The following TTYH1 variants were observed in gnomAD, a reference collection of about 807,000 sequenced individuals.
TTYH1 encodes protein tweety homolog 1.
Under a neutral mutation model 61.2 loss-of-function variants are expected in TTYH1, and 33 were observed. The ratio of observed to expected loss-of-function variants is 0.54; its 90% CI spans 0.41 to 0.72. TTYH1 has a LOEUF of 0.72. Ranked by LOEUF, TTYH1 falls within the 30% of genes least tolerant of loss-of-function variation. The probability of loss-of-function intolerance (pLI) is 0.00; values close to 1 mark genes in which losing one functional copy is unlikely to be tolerated. For synonymous variants in TTYH1, 308 were observed against 266.4 expected (o/e 1.16, Z -1.52); for missense variants, 538 against 575.8 (o/e 0.93, Z 0.67).
At chr19:54,431,565 A>C in intron 10 of TTYH1, 1 of 276,514 alleles carries the variant, frequency 3.6e-6, no homozygotes, top group Non-Finnish European at 6.9e-6. Context: ...GTTCTGGAGC[A>C]AGACTGCCTG....
Position 54,426,683 on chromosome 19 carries a change from T to G in TTYH1, c.649T>G (p.Tyr217Asp). 5.0e-6 allele frequency: 8 copies of G among 1,613,844 alleles called. No homozygotes were observed. Among genetic ancestry groups the G allele is most frequent in the African/African-American group, 1.3e-5 (1 of 75,024 alleles). The stretch of plus-strand genomic sequence containing the variant: ...CCTCTCCCCTCCCAGGTGGCTGGCC[T>G]ACGTCCTCCTGCTGCTCCTGGAGCT... ...SFVEEYRWLA[Y>D]VLLLLLELLV... is the part of the protein sequence containing the mutation. Residue 217 changes from tyrosine (Y) to aspartate (D), a missense_variant, in exon 5 of 14, where the codon TAC (tyrosine) becomes GAC (aspartate). Coordinates refer to ENST00000376530, the MANE Select transcript of TTYH1 (RefSeq NM_020659.4).
At chr19:54,432,280 C>A (rs930768806) in intron 10 of TTYH1, 2 of 152,238 alleles carry the variant, frequency 1.3e-5, no homozygotes, top group Admixed American at 1.3e-4. Flanking sequence ...GGATGCCTTT[C>A]CCCGGCCAGT....
At position 54,416,133 on chromosome 19, in the gene TTYH1, G is replaced by T. The variant is rs1004445300; in HGVS notation, c.126+455G>T. ...ACCTGATAACGGTGGCGGGGAAAAC[G>T]CTGGCTGCTGCGGTGCTGGGATGGG... is the stretch of plus-strand genomic sequence containing the variant. On this transcript the variant is annotated intron_variant, in intron 1 of 13. Coordinates refer to ENST00000376530, the MANE Select transcript of TTYH1 (RefSeq NM_020659.4). The surrounding 1 kb of genome is among the most constrained non-coding windows in gnomAD (Gnocchi z 7.0). 2.5e-6 allele frequency: 3 copies of T among 1,214,110 alleles called. No individual in the cohort carries two copies. Among genetic ancestry groups the T allele is most frequent in the African/African-American group, 3.1e-5 (2 of 64,266 alleles). 75.2% of individuals were successfully genotyped at this position (1,214,110 alleles called of 1,614,324 possible).
In TTYH1 at chr19:54,419,250, C is replaced by A. The variant is rs775602519; in HGVS notation, c.249C>A (p.Pro83=). The A allele has an allele frequency of 6.2e-7, 1 of 1,608,060 alleles. No homozygotes were observed. The highest frequency in any genetic ancestry group is 1.3e-5 in the African/African-American group (1 of 75,048). Residue 83 remains proline, a synonymous_variant, in exon 2 of 14, where the codon CCC becomes CCA. Coordinates refer to ENST00000376530, the MANE Select transcript of TTYH1 (RefSeq NM_020659.4). This position sits in a 1 kb window ranked among gnomAD's most constrained non-coding sequence, Gnocchi z 6.1. ...RPPEPPGSKI[P]SPGGGCVTWS... is the part of the protein sequence containing the mutation. ...CCGAGCCCCCCGGGTCCAAGATCCC[C>A]TCGCCCGGGGGAGGCTGCGTCACCT... is the stretch of plus-strand genomic sequence containing the variant.
chr19:54,425,536 G>C (rs1003482679), intron 4 of TTYH1, among the ~76,000 whole-genome samples: 7 of 152,018 alleles, frequency 4.6e-5, no homozygotes, highest in African/African-American at 1.7e-4. Context: ...GATTGGTTGG[G>C]TGTGAGCTAA....
intron 10 of TTYH1, 63 bp downstream of exon 10, chr19:54,431,254 T>A: frequency 8.9e-7 from 1 of 1,123,548 alleles, no homozygotes; most frequent in Non-Finnish European, 1.4e-6. Flanking sequence ...CCCACAGAAC[T>A]ACCTCCTCCT....
chr19:54,426,778 G>T lies in TTYH1; in HGVS notation c.734+10G>T, dbSNP rs1372635872. 7 of 1,611,418 alleles carry T rather than the reference G, an allele frequency of 4.3e-6. No individual in the cohort carries two copies. Among genetic ancestry groups the T allele is most frequent in the Admixed American group, 1.7e-5 (1 of 59,986 alleles). On this transcript the variant is annotated intron_variant, in intron 5 of 13. Transcript: ENST00000376530. Reference sequence around the variant, plus strand: ...AGTGGCTGGTGATCGTGTAAGTGCAGGCAGTAGGGGGACCCAGTGCTTGCC... The same window carrying T: ...AGTGGCTGGTGATCGTGTAAGTGCATGCAGTAGGGGGACCCAGTGCTTGCC...
intron 10 of TTYH1, chr19:54,431,779 G>C (rs1470522997): frequency 6.5e-6 from 1 of 154,398 alleles, no homozygotes; most frequent in East Asian, 1.9e-4. Context: ...CTCCAGTTTG[G>C]GCTCTGCCGC....
chr19:54,426,210 G>A (rs553845256), intron 4 of TTYH1, among the ~76,000 whole-genome samples: 5 of 152,308 alleles, frequency 3.3e-5, no homozygotes, highest in South Asian at 2.1e-4. Context: ...TAAGGTTACC[G>A]AGACAAGAGT....
Position 54,416,160 on chromosome 19 carries a change from T to C in TTYH1, c.126+482T>C. The C allele has an allele frequency of 9.8e-7, 1 of 1,022,698 alleles. No individual in the cohort carries two copies. Among genetic ancestry groups the C allele is most frequent in the Non-Finnish European group, 1.4e-6 (1 of 735,840 alleles). 63.4% of individuals were successfully genotyped at this position (1,022,698 alleles called of 1,614,324 possible). A position where few individuals can be genotyped will look rare whatever the true frequency, so the allele number is the denominator to read the frequency against. On this transcript the variant is annotated intron_variant, in intron 1 of 13. Transcript: ENST00000376530. This position sits in a 1 kb window ranked among gnomAD's most constrained non-coding sequence, Gnocchi z 7.0. ...TGGCTGCTGCGGTGCTGGGATGGGA[T>C]TGAGAGTCTGAAATGGGGAAGGGGG...
rs1453529614 is a variant in TTYH1 at position 54,419,562 on chromosome 19, G to A, written c.305+256G>A. 1 of 687,258 alleles carries A rather than the reference G, an allele frequency of 1.5e-6. No individual in the cohort carries two copies. The highest frequency in any genetic ancestry group is 2.0e-5 in the Admixed American group (1 of 49,424). 42.6% of individuals were successfully genotyped at this position (687,258 alleles called of 1,614,324 possible). A position where few individuals can be genotyped will look rare whatever the true frequency, so the allele number is the denominator to read the frequency against. On this transcript the variant is annotated intron_variant, in intron 2 of 13. Transcript: ENST00000376530. This position sits in a 1 kb window ranked among gnomAD's most constrained non-coding sequence, Gnocchi z 6.1. ...CATCTGGTGAGAAGGCGCAGGGGCA[G>A]TCAGATGGCCTGGTTTTGGTGGCTC...
rs2083383777 is a variant in TTYH1 at position 54,429,100 on chromosome 19, T to G, written c.735-207T>G. On this transcript the variant is annotated intron_variant, in intron 5 of 13. Transcript: ENST00000376530. This position sits in a 1 kb window ranked among gnomAD's most constrained non-coding sequence, Gnocchi z 5.1. ...GCCCTGCTCATACCCCACACCCTGCTCATCTGGGCAGGAGCCAGATGTCCA... is the reference window on the plus strand; with the variant it reads ...GCCCTGCTCATACCCCACACCCTGCGCATCTGGGCAGGAGCCAGATGTCCA... Among the ~76,000 whole-genome samples, 1 of 151,910 alleles carries G rather than the reference T, an allele frequency of 6.6e-6. No individual in the cohort carries two copies. The highest frequency in any genetic ancestry group is 6.6e-5 in the Admixed American group (1 of 15,254).
chr19:54,420,918 G>C lies in TTYH1; in HGVS notation c.306-359G>C, dbSNP rs552472817. The stretch of plus-strand genomic sequence containing the variant: ...CTGCCTGGCAAAGGATGCGGGGGAA[G>C]GGTGTGGGGCAGGCAGTCCTAGGGA... On this transcript the variant is annotated intron_variant, in intron 2 of 13. Coordinates refer to ENST00000376530, the MANE Select transcript of TTYH1 (RefSeq NM_020659.4). This position sits in a 1 kb window ranked among gnomAD's most constrained non-coding sequence, Gnocchi z 4.8. The C allele has an allele frequency of 2.9e-6, 1 of 340,904 alleles. No individual in the cohort carries two copies. The highest frequency in any genetic ancestry group is 5.9e-6 in the Non-Finnish European group (1 of 168,284). 21.1% of individuals were successfully genotyped at this position (340,904 alleles called of 1,614,324 possible). A position where few individuals can be genotyped will look rare whatever the true frequency, so the allele number is the denominator to read the frequency against.
At chr19:54,427,618 C>CAA (rs200460828) in intron 5 of TTYH1, among the ~76,000 whole-genome samples, 2 of 140,198 alleles carry the variant, frequency 1.4e-5, no homozygotes, top group South Asian at 2.3e-4. Context: ...ACAACAACAA[C>CAA]AAAAAAAAAA....
chr19:54,429,497 C>A lies in TTYH1; in HGVS notation c.807+118C>A. ...AAGGAATTGGGGGGCACGATCACAG[C>A]TCTGAGGTTTAGGGCTTGTTTCCTG... On this transcript the variant is annotated intron_variant, in intron 6 of 13. Coordinates refer to ENST00000376530, the MANE Select transcript of TTYH1 (RefSeq NM_020659.4). The surrounding 1 kb of genome is among the most constrained non-coding windows in gnomAD (Gnocchi z 5.1). The A allele has an allele frequency of 2.1e-6, 2 of 948,940 alleles. No individual in the cohort carries two copies. The highest frequency in any genetic ancestry group is 3.3e-6 in the Non-Finnish European group (2 of 610,218). The allele number at this position is 948,940 out of a possible 1,614,324, so 58.8% of individuals were successfully genotyped here.
Position 54,422,211 on chromosome 19 carries a change from C to T in TTYH1, c.439C>T (p.Leu147=). ...DHLVLETVER[L]GEAVRTELTT... is the part of the protein sequence containing the mutation. ...CCAGGTGTTGGAGACGGTGGAGAGGCTGGGCGAGGCGGTGAGGACAGAGCT... is the reference window on the plus strand; with the variant it reads ...CCAGGTGTTGGAGACGGTGGAGAGGTTGGGCGAGGCGGTGAGGACAGAGCT... The change falls in exon 4 of 14, where the codon CTG becomes TTG. Residue 147 remains leucine, a synonymous_variant. Coordinates refer to ENST00000376530, the MANE Select transcript of TTYH1 (RefSeq NM_020659.4). The T allele has an allele frequency of 1.3e-6, 2 of 1,564,086 alleles. No individual in the cohort carries two copies. The highest frequency in any genetic ancestry group is 1.7e-6 in the Non-Finnish European group (2 of 1,154,910).
At chr19:54,435,784 G>C in intron 11 of TTYH1, 44 bp from the exon 12 acceptor site, 1 of 1,613,508 alleles carries the variant, frequency 6.2e-7, no homozygotes, top group South Asian at 1.1e-5. Flanking sequence ...CCTCCTGATG[G>C]GTCCCCATCC....
chr19:54,430,685 T>C, intron 8 of TTYH1, 80 bp downstream of exon 8: 1 of 725,860 alleles, frequency 1.4e-6, no homozygotes, highest in East Asian at 3.8e-5. Context: ...GGGCTGGGGC[T>C]GGGGCCTGGA....
chr19:54,415,663 G>A lies in TTYH1; in HGVS notation c.111G>A (p.Glu37=), dbSNP rs778221439. Residue 37 remains glutamate, a synonymous_variant, in exon 1 of 14, where the codon GAG becomes GAA. Transcript: ENST00000376530. This position sits in a 1 kb window ranked among gnomAD's most constrained non-coding sequence, Gnocchi z 5.2. The part of the protein sequence containing the change: ...RPVPSVFAPQ[E]QEYQQALLLV... ...TGCCCAGCGTTTTCGCGCCCCAAGA[G>A]CAGGAATACCAGCAGGTGGGACCGG... 5 of 1,563,270 alleles carry A rather than the reference G, an allele frequency of 3.2e-6. No individual in the cohort carries two copies. Among genetic ancestry groups the A allele is most frequent in the African/African-American group, 1.4e-5 (1 of 73,392 alleles).
Sources: allele counts gnomAD v4.1 joint callset (sites outside exome capture counted in the v4.1 genomes callset), GRCh38; gene constraint gnomAD v4.1.1; non-coding constraint Gnocchi (gnomAD v3.1); transcripts MANE v1.5; gene names NCBI Gene and HGNC (gene_info 2026-07-23, HGNC 2026-07-21).